Variants in TBC1D15 observed in about 807,000 individuals in gnomAD.
TBC1D15 encodes GAP for RAB7.
TBC1D15 carries 39 observed loss-of-function variants against 95.4 expected under a neutral mutation model. The observed-to-expected ratio is 0.41, with a 90% CI of 0.32 to 0.53. The LOEUF (loss-of-function observed/expected upper bound fraction) is 0.53, where lower values mean the gene tolerates loss of function less well. Ranked by LOEUF, TBC1D15 falls within the 20% of genes least tolerant of loss-of-function variation. TBC1D15 has a pLI of 0.29. For missense variants in TBC1D15, 733 were observed against 794.3 expected, an observed-to-expected ratio of 0.92 and a Z score of 0.93; for synonymous variants, 258 against 261.3, an observed-to-expected ratio of 0.99 and a Z score of 0.12.
At chr12:71,863,132 A>G (rs888157293) in intron 1 of TBC1D15, among the ~76,000 whole-genome samples, 4 of 152,174 alleles carry the variant, frequency 2.6e-5, no homozygotes, top group African/African-American at 4.8e-5. Flanking sequence ...CAATCTCAGC[A>G]CTTTGGGAGG....
At chr12:71,859,042 G>T (rs947016197) in intron 1 of TBC1D15, among the ~76,000 whole-genome samples, 13 of 151,430 alleles carry the variant, frequency 8.6e-5, no homozygotes, top group African/African-American at 3.2e-4. Context: ...GGATGAGATG[G>T]TATCTCATTG....
At chr12:71,897,083 AC>A (rs932008476) in intron 9 of TBC1D15, 1 of 208,442 alleles carries the variant, frequency 4.8e-6, no homozygotes, top group African/African-American at 2.3e-5. Flanking sequence ...ACACTTAAAA[AC>A]ATCTCTCATT....
chr12:71,888,522 G>T (rs1008105849), intron 5 of TBC1D15, among the ~76,000 whole-genome samples: 8 of 151,830 alleles, frequency 5.3e-5, no homozygotes, highest in African/African-American at 1.9e-4. Flanking sequence ...TATTAGAGGG[G>T]TTTAGACATA....
intron 4 of TBC1D15, among the ~76,000 whole-genome samples, chr12:71,882,166 C>A (rs1415562341): frequency 6.6e-6 from 1 of 151,906 alleles, no homozygotes; most frequent in Non-Finnish European, 1.5e-5. Flanking sequence ...GGCACAAAGC[C>A]AATTTGGGAC....
intron 12 of TBC1D15, among the ~76,000 whole-genome samples, chr12:71,914,893 A>T (rs79901406): frequency 6.6e-6 from 1 of 151,688 alleles, no homozygotes; most frequent in Non-Finnish European, 1.5e-5. Context: ...TTCTCCTTCA[A>T]ATTTTCCCTG....
intron 11 of TBC1D15, among the ~76,000 whole-genome samples, chr12:71,912,128 T>A (rs17110384): frequency 0.18 from 26,687 of 152,150 alleles, 3,639 homozygotes; most frequent in African/African-American, 0.38. Context: ...AGCCTTTATT[T>A]TTTGTCATTG....
chr12:71,878,175 C>T (rs1168226131), intron 3 of TBC1D15, among the ~76,000 whole-genome samples: 1 of 152,182 alleles, frequency 6.6e-6, no homozygotes, highest in African/African-American at 2.4e-5. Context: ...GTCTTGCCAA[C>T]TTCTTTGTAT....
intron 1 of TBC1D15, among the ~76,000 whole-genome samples, chr12:71,841,909 C>A (rs1216942915): frequency 6.6e-6 from 1 of 152,152 alleles, no homozygotes; most frequent in African/African-American, 2.4e-5. Context: ...TACCTTTATG[C>A]TTCCCTACTT....
At chr12:71,855,555 C>T (rs1888836458) in intron 1 of TBC1D15, among the ~76,000 whole-genome samples, 1 of 150,510 alleles carries the variant, frequency 6.6e-6, no homozygotes, top group Non-Finnish European at 1.5e-5. Flanking sequence ...GTAGTCCCAG[C>T]TACTTGGGAG....
chr12:71,898,471 C>T (rs1443963233), intron 10 of TBC1D15, among the ~76,000 whole-genome samples: 1 of 151,652 alleles, frequency 6.6e-6, no homozygotes, highest in East Asian at 1.9e-4. Flanking sequence ...GAATATTTAC[C>T]TGGGGATAAC....
At chr12:71,845,486 G>A (rs956429715) in intron 1 of TBC1D15, among the ~76,000 whole-genome samples, 9 of 152,212 alleles carry the variant, frequency 5.9e-5, no homozygotes, top group African/African-American at 2.2e-4. Flanking sequence ...ATCTTTGACA[G>A]AATTGGGAAT....
At chr12:71,861,346 T>A in intron 1 of TBC1D15, 1 of 919,196 alleles carries the variant, frequency 1.1e-6, no homozygotes, top group Non-Finnish European at 1.5e-6. Context: ...GGGCTTTTCT[T>A]TAATGGGAGA....
intron 5 of TBC1D15, among the ~76,000 whole-genome samples, chr12:71,889,122 T>G (rs1046959888): frequency 3.3e-5 from 5 of 152,198 alleles, no homozygotes; most frequent in African/African-American, 1.2e-4. Flanking sequence ...GATGTGAGCC[T>G]AAGTGATTAA....
intron 1 of TBC1D15, chr12:71,849,817 C>CTATT: frequency 1.8e-6 from 1 of 550,478 alleles, no homozygotes; most frequent in East Asian, 4.4e-5. Flanking sequence ...GTTTCTAACT[C>CTATT]TAATAGACTT....
chr12:71,851,966 G>A (rs1292979781), intron 1 of TBC1D15, among the ~76,000 whole-genome samples: 1 of 152,168 alleles, frequency 6.6e-6, no homozygotes, highest in African/African-American at 2.4e-5. Flanking sequence ...TGGAGGCACC[G>A]ATACTACATT....
chr12:71,922,800 G>A (rs190892919), intron 16 of TBC1D15, among the ~76,000 whole-genome samples, 183 bp from the exon 17 acceptor site: 17 of 152,308 alleles, frequency 1.1e-4, no homozygotes, highest in African/African-American at 2.9e-4. Context: ...CACTTAGGGC[G>A]AAAGGTGGTT....
intron 13 of TBC1D15, 42 bp from the exon 14 acceptor site, chr12:71,918,409 G>A: frequency 8.1e-7 from 1 of 1,240,170 alleles, no homozygotes. Flanking sequence ...GACATAATTA[G>A]CATAAGAGTA....
At chr12:71,877,651 A>G (rs562952960) in intron 3 of TBC1D15, among the ~76,000 whole-genome samples, 5 of 150,272 alleles carry the variant, frequency 3.3e-5, no homozygotes, top group South Asian at 2.1e-4. Context: ...ATTTTTTGCT[A>G]TAATTTCATT....
chr12:71,859,650 C>T (rs764272541), intron 1 of TBC1D15, among the ~76,000 whole-genome samples: 22 of 151,982 alleles, frequency 1.4e-4, no homozygotes, highest in African/African-American at 3.4e-4. Flanking sequence ...CTATGTTGCC[C>T]GGGCTGGAGT....
Sources: allele counts gnomAD v4.1 joint callset (sites outside exome capture counted in the v4.1 genomes callset), GRCh38; gene constraint gnomAD v4.1.1; transcripts MANE v1.5; gene names NCBI Gene and HGNC (gene_info 2026-07-23, HGNC 2026-07-21).